Variants in LRGUK observed in about 807,000 individuals in gnomAD.
The protein encoded by LRGUK is leucine rich repeats and guanylate kinase domain containing.
Under a neutral mutation model 76.0 loss-of-function variants are expected in LRGUK, and 65 were observed. The observed-to-expected ratio is 0.85, with a 90% confidence interval of 0.70 to 1.05. The LOEUF is 1.05. LRGUK is among the 50% of genes least tolerant of loss of function. The pLI is 0.00. For synonymous variants in LRGUK, 268 were observed against 265.6 expected (o/e 1.01, Z -0.09); for missense variants, 758 against 732.8 (o/e 1.03, Z -0.40).
At chr7:134,247,048 A>G (rs1183393340) in intron 16 of LRGUK, among the ~76,000 whole-genome samples, 2 of 152,314 alleles carry the variant, frequency 1.3e-5, no homozygotes, top group East Asian at 1.9e-4. Flanking sequence ...TCTTGTATGT[A>G]TCTGTATCCC....
chr7:134,171,558 G>A (rs1799248784), intron 7 of LRGUK, among the ~76,000 whole-genome samples: 1 of 151,926 alleles, frequency 6.6e-6, no homozygotes. Context: ...GGCCTTGAGG[G>A]AAATGGTAAA....
At chr7:134,178,512 G>T (rs1462837330) in exon 10 of LRGUK, 1 of 1,609,718 alleles carries the variant, frequency 6.2e-7, no homozygotes, top group Non-Finnish European at 8.5e-7. Flanking sequence ...GGTTTCAGCA[G>T]TGAATAAATA....
downstream of LRGUK, among the ~76,000 whole-genome samples, chr7:134,266,620 T>G (rs945832009): frequency 1.3e-5 from 2 of 152,008 alleles, no homozygotes; most frequent in African/African-American, 2.4e-5. Context: ...AGAGAGAAAA[T>G]AGACTGAAAA....
chr7:134,195,851 A>G (rs1258936705), intron 12 of LRGUK, among the ~76,000 whole-genome samples: 1 of 152,210 alleles, frequency 6.6e-6, no homozygotes, highest in Non-Finnish European at 1.5e-5. Flanking sequence ...AATATATAAC[A>G]TAAACTTCTT....
At chr7:134,164,131 GTAACACATTT>G (rs1308337929) in intron 7 of LRGUK, among the ~76,000 whole-genome samples, 2 of 152,128 alleles carry the variant, frequency 1.3e-5, no homozygotes, top group Non-Finnish European at 2.9e-5. Context: ...ACTTTGTGAT[GTAACACATTT>G]CTTAAATAGC....
At chr7:134,238,365 G>A (rs1474548574) in intron 16 of LRGUK, among the ~76,000 whole-genome samples, 3 of 152,134 alleles carry the variant, frequency 2.0e-5, no homozygotes, top group Non-Finnish European at 2.9e-5. Context: ...CCTGTTGTCT[G>A]TATGTTGAGT....
chr7:134,264,019 C>G (rs1392085626), exon 20 of LRGUK: 3 of 1,563,070 alleles, frequency 1.9e-6, no homozygotes, highest in Middle Eastern at 1.7e-4. Context: ...ACCTGCTCTG[C>G]TGATGTCGAA....
exon 6 of LRGUK, chr7:134,158,110 T>C: frequency 6.2e-7 from 1 of 1,613,238 alleles, no homozygotes; most frequent in Non-Finnish European, 8.5e-7. Flanking sequence ...AACAATAAGA[T>C]CACGACAATT....
downstream of LRGUK, among the ~76,000 whole-genome samples, chr7:134,265,069 G>GGTGGAGCGA (rs1185442276): frequency 5.3e-5 from 8 of 152,086 alleles, no homozygotes; most frequent in African/African-American, 1.9e-4. Context: ...GGGTGGAGCG[G>GGTGGAGCGA]GGGGACCATG....
At chr7:134,142,870 G>C (rs77174033) in intron 3 of LRGUK, among the ~76,000 whole-genome samples, 192 bp from the exon 4 acceptor site, 1 of 152,138 alleles carries the variant, frequency 6.6e-6, no homozygotes, top group Non-Finnish European at 1.5e-5. Context: ...TATTGACTCC[G>C]AGAGTTTTCT....
chr7:134,271,380 T>C, the LRGUK span, among the ~76,000 whole-genome samples: 3 of 152,060 alleles, frequency 2.0e-5, no homozygotes, highest in East Asian at 3.8e-4. Context: ...TTTTATCCTA[T>C]TGTAATAAAC....
exon 20 of LRGUK, chr7:134,264,169 A>C (rs988337856): frequency 2.2e-6 from 1 of 455,748 alleles, no homozygotes; most frequent in African/African-American, 2.0e-5. Flanking sequence ...TTTTAATTAA[A>C]AAATTGTTTC....
the LRGUK span, among the ~76,000 whole-genome samples, chr7:134,271,467 C>A: frequency 6.6e-6 from 1 of 151,682 alleles, no homozygotes; most frequent in Admixed American, 6.6e-5. Context: ...TTGGAATGAA[C>A]TTCTGTGTAT....
intron 1 of LRGUK, among the ~76,000 whole-genome samples, chr7:134,130,355 C>T (rs1797247040): frequency 2.3e-5 from 1 of 43,802 alleles, no homozygotes; most frequent in African/African-American, 5.4e-5. Context: ...TAACACATAG[C>T]TCTTTGGCTA....
At chr7:134,158,238 G>C in intron 6 of LRGUK, 79 bp downstream of exon 6, 1 of 1,270,526 alleles carries the variant, frequency 7.9e-7, no homozygotes. Context: ...GACTACTTAG[G>C]ATTCAAATAT....
Position 134,249,009 on chromosome 7 carries a change from CT to C in LRGUK, c.2132del (p.Leu711ProfsTer31). On this transcript the variant is annotated frameshift_variant, in exon 18 of 20. Coordinates refer to the LRGUK transcript ENST00000285928. LOFTEE classifies it high-confidence loss of function. ...ACACTATTATACAACTTTAGAAGAA[CT>C]CTGGAAAAGTTTTGATCTTTGTGAA... 6.2e-7 allele frequency: 1 copy of C among 1,601,966 alleles called. No individual in the cohort carries two copies. Among genetic ancestry groups the C allele is most frequent in the Non-Finnish European group, 8.5e-7 (1 of 1,173,156 alleles).
At chr7:134,199,420 A>G (rs886792808) in exon 14 of LRGUK, 2 of 1,607,842 alleles carry the variant, frequency 1.2e-6, no homozygotes, top group Non-Finnish European at 1.7e-6. Context: ...TAATCAATGC[A>G]GGTTGGTAAT....
chr7:134,233,749 A>G (rs187168978), intron 16 of LRGUK, among the ~76,000 whole-genome samples: 24 of 152,326 alleles, frequency 1.6e-4, no homozygotes, highest in African/African-American at 5.5e-4. Context: ...ATTTTGAGCC[A>G]GAGTCTTGCT....
chr7:134,155,061 G>A (rs1798397179), intron 5 of LRGUK, among the ~76,000 whole-genome samples: 2 of 152,126 alleles, frequency 1.3e-5, no homozygotes, highest in African/African-American at 4.8e-5. Flanking sequence ...CTTGGTTGGG[G>A]TAGAGCTACC....
Sources: gnomAD v4.1 joint callset for allele counts (sites outside exome capture counted in the v4.1 genomes callset) on GRCh38, gnomAD v4.1.1 for gene constraint, MANE v1.5 for transcripts, NCBI Gene and HGNC (gene_info 2026-07-23, HGNC 2026-07-21) for gene names.